Variants in CSMD1 observed in about 807,000 individuals in gnomAD.
The protein encoded by CSMD1 is CUB and Sushi multiple domains 1.
Under a neutral mutation model 417.5 loss-of-function variants are expected in CSMD1, and 213 were observed. The observed-to-expected ratio is 0.51, with a 90% CI of 0.46 to 0.57. The LOEUF (loss-of-function observed/expected upper bound fraction) is 0.57, where lower values mean the gene tolerates loss of function less well. Ranked by LOEUF, CSMD1 falls within the 20% of genes least tolerant of loss-of-function variation. The pLI, the probability that CSMD1 is intolerant of heterozygous loss-of-function variation, is 0.00. For missense variants in CSMD1, 6,923 were observed against 4,529.7 expected, an observed-to-expected ratio of 1.53 and a Z score of -15.17; for synonymous variants, 2,862 against 1,736.8, an observed-to-expected ratio of 1.65 and a Z score of -16.11.
intron 1 of CSMD1, among the ~76,000 whole-genome samples, chr8:4,761,875 CTAT>C (rs1563319076): frequency 2.2e-3 from 204 of 94,208 alleles, no homozygotes; most frequent in African/African-American, 6.1e-3. Context: ...ATCTATCTAT[CTAT>C]CTATCTATCT....
chr8:3,895,515 T>C (rs1172020650), intron 5 of CSMD1, among the ~76,000 whole-genome samples: 1 of 152,146 alleles, frequency 6.6e-6, no homozygotes, highest in East Asian at 1.9e-4. Flanking sequence ...TAAGTGTATC[T>C]ATCCTTAGGG....
At chr8:3,680,811 T>C (rs575363181) in intron 7 of CSMD1, among the ~76,000 whole-genome samples, 2,262 of 152,136 alleles carry the variant, frequency 0.015, 56 homozygotes, top group African/African-American at 0.052. Flanking sequence ...CAAACCGAAC[T>C]CAGCAGCACA....
intron 14 of CSMD1, among the ~76,000 whole-genome samples, chr8:3,407,165 G>A (rs1357668722): frequency 1.2e-5 from 1 of 81,696 alleles, no homozygotes; most frequent in East Asian, 2.3e-4. Context: ...ATGGACAGAT[G>A]GAAGGATGGA....
Position 4,336,270 on chromosome 8 carries a change from G to A in CSMD1, c.415+83683C>T, listed in dbSNP as rs13278892. 8.1e-3 allele frequency among the ~76,000 whole-genome samples: 1,232 copies of A among 152,242 alleles called. 7 individuals are homozygous for A. Among genetic ancestry groups the A allele is most frequent in the Middle Eastern group, 0.017 (5 of 294 alleles). The stretch of plus-strand genomic sequence containing the variant: ...GGTCTTGCTCGTCCAAAAATAGACA[G>A]TATTTTATGTCAGAAGCTTTACTTT... On this transcript the variant is annotated intron_variant, in intron 3 of 69. Coordinates refer to ENST00000635120, the MANE Select transcript of CSMD1 (RefSeq NM_033225.6).
intron 2 of CSMD1, among the ~76,000 whole-genome samples, chr8:4,487,357 T>A (rs1249995917): frequency 6.6e-6 from 1 of 152,176 alleles, no homozygotes; most frequent in Non-Finnish European, 1.5e-5. Flanking sequence ...GATGTTCCCC[T>A]TCCTGTGTCC....
At chr8:4,873,090 G>A (rs1218628502) in intron 1 of CSMD1, among the ~76,000 whole-genome samples, 1 of 152,038 alleles carries the variant, frequency 6.6e-6, no homozygotes, top group African/African-American at 2.4e-5. Context: ...TGTATACATT[G>A]TAACATGGTT....
intron 3 of CSMD1, among the ~76,000 whole-genome samples, chr8:4,315,782 T>C (rs1585216625): frequency 1.4e-5 from 2 of 144,532 alleles, no homozygotes; most frequent in South Asian, 4.8e-4. Flanking sequence ...TCAAAACATA[T>C]TTTGCATAAA....
chr8:4,047,757 T>C (rs964491245), intron 3 of CSMD1, among the ~76,000 whole-genome samples: 4 of 148,744 alleles, frequency 2.7e-5, no homozygotes, highest in East Asian at 1.9e-4. Context: ...GAAAATGGTA[T>C]TTTTTTGATA....
At chr8:3,823,862 A>C (rs921678059) in intron 5 of CSMD1, among the ~76,000 whole-genome samples, 1 of 152,196 alleles carries the variant, frequency 6.6e-6, no homozygotes, top group African/African-American at 2.4e-5. Flanking sequence ...AACTTAATTT[A>C]AATACTTTTC....
At chr8:4,196,764 T>TA (rs1799363289) in intron 3 of CSMD1, among the ~76,000 whole-genome samples, 1 of 152,084 alleles carries the variant, frequency 6.6e-6, no homozygotes, top group Non-Finnish European at 1.5e-5. Context: ...ATCTTATCTG[T>TA]AAACCCCTTT....
chr8:4,031,331 T>C lies in CSMD1; in HGVS notation c.610+574A>G, dbSNP rs116558965. Among the ~76,000 whole-genome samples, 590 of 152,270 alleles carry C rather than the reference T, an allele frequency of 3.9e-3. 3 individuals are homozygous for C. Among genetic ancestry groups the C allele is most frequent in the African/African-American group, 0.014 (568 of 41,550 alleles). On this transcript the variant is annotated intron_variant, in intron 4 of 69. Coordinates refer to ENST00000635120, the MANE Select transcript of CSMD1 (RefSeq NM_033225.6). ...CCAAGTGGCTGGGGAAGCCTCACAA[T>C]CATAGCAGAAGGCAAGGAGGAGCAC...
intron 10 of CSMD1, among the ~76,000 whole-genome samples, chr8:3,509,170 T>C (rs999622904): frequency 6.6e-6 from 1 of 152,210 alleles, no homozygotes; most frequent in Admixed American, 6.5e-5. Context: ...CAAAAGTTTC[T>C]ATGTCAAGAA....
chr8:3,666,345 C>T (rs2117488787), intron 7 of CSMD1, among the ~76,000 whole-genome samples: 1 of 152,214 alleles, frequency 6.6e-6, no homozygotes, highest in Non-Finnish European at 1.5e-5. Flanking sequence ...GATATAAACG[C>T]CTGTCCGTTT....
intron 50 of CSMD1, among the ~76,000 whole-genome samples, chr8:3,041,912 G>A (rs1811124940): frequency 1.3e-5 from 2 of 152,184 alleles, no homozygotes; most frequent in African/African-American, 4.8e-5. Flanking sequence ...TTTCTAAAAT[G>A]TCTTTTGACA....
intron 10 of CSMD1, among the ~76,000 whole-genome samples, chr8:3,501,203 A>C (rs980999207): frequency 1.3e-5 from 2 of 152,120 alleles, no homozygotes; most frequent in African/African-American, 2.4e-5. Context: ...ATATCAACTG[A>C]TCTCTATGAT....
intron 41 of CSMD1, among the ~76,000 whole-genome samples, chr8:3,126,031 C>A (rs1005056903): frequency 6.6e-6 from 1 of 152,130 alleles, no homozygotes; most frequent in Admixed American, 6.5e-5. Flanking sequence ...AAATCTACCT[C>A]GGCAGTACAT....
intron 26 of CSMD1, among the ~76,000 whole-genome samples, chr8:3,231,648 A>T (rs1798846080): frequency 6.6e-6 from 1 of 152,220 alleles, no homozygotes. Flanking sequence ...GTGGCAATGA[A>T]CAAATAATTC....
chr8:3,161,796 G>T (rs552295759), intron 38 of CSMD1, among the ~76,000 whole-genome samples: 3 of 152,260 alleles, frequency 2.0e-5, no homozygotes, highest in African/African-American at 4.8e-5. Flanking sequence ...AGAACAGTTT[G>T]CAGGGTAGCA....
intron 5 of CSMD1, among the ~76,000 whole-genome samples, chr8:3,921,824 G>A (rs765586011): frequency 6.6e-6 from 1 of 152,168 alleles, no homozygotes; most frequent in East Asian, 1.9e-4. Context: ...CCTGGAGAGA[G>A]TTTTGTGCAA....
Sources: gnomAD v4.1 joint callset for allele counts (sites outside exome capture counted in the v4.1 genomes callset) on GRCh38, gnomAD v4.1.1 for gene constraint, MANE v1.5 for transcripts, NCBI Gene and HGNC (gene_info 2026-07-23, HGNC 2026-07-21) for gene names.